Variants in CLYBL observed in about 807,000 individuals in gnomAD.
The protein encoded by CLYBL is citramalyl-CoA lyase, mitochondrial.
Under a neutral mutation model 38.9 loss-of-function variants are expected in CLYBL, and 31 were observed. The observed-to-expected ratio is 0.80, with a 90% confidence interval of 0.60 to 1.08. The LOEUF (loss-of-function observed/expected upper bound fraction) is 1.08, where lower values mean the gene tolerates loss of function less well. Among genes scored for constraint, CLYBL ranks in the 50% least tolerant of loss-of-function variants. CLYBL has a pLI of 0.00. For synonymous variants in CLYBL, 171 were observed against 158.6 expected (o/e 1.08, Z -0.59); for missense variants, 434 against 411.6 (o/e 1.05, Z -0.47).
At chr13:99,705,607 T>A (rs2048135284) in intron 1 of CLYBL, among the ~76,000 whole-genome samples, 1 of 152,058 alleles carries the variant, frequency 6.6e-6, no homozygotes, top group South Asian at 2.1e-4. Flanking sequence ...TGATACCTGC[T>A]ATAACACAGA....
At chr13:99,796,489 C>T (rs999287931) in intron 2 of CLYBL, among the ~76,000 whole-genome samples, 1 of 152,176 alleles carries the variant, frequency 6.6e-6, no homozygotes, top group Non-Finnish European at 1.5e-5. Flanking sequence ...AAGTGCTCTG[C>T]ATGGGTTAAC....
intron 1 of CLYBL, among the ~76,000 whole-genome samples, chr13:99,616,729 A>AC (rs2046716902): frequency 6.6e-6 from 1 of 152,126 alleles, no homozygotes; most frequent in South Asian, 2.1e-4. Context: ...GCTGAAGTGG[A>AC]CCGATCACTT....
intron 7 of CLYBL, among the ~76,000 whole-genome samples, chr13:99,877,103 C>A (rs1409690564): frequency 2.6e-5 from 4 of 152,166 alleles, no homozygotes; most frequent in African/African-American, 9.7e-5. Flanking sequence ...AGATTGGAAA[C>A]TCCCAGAGCA....
At chr13:99,716,169 ATTTTTTTTTTTTTTTTTT>A (rs4001024) in intron 1 of CLYBL, among the ~76,000 whole-genome samples, 19 of 33,464 alleles carry the variant, frequency 5.7e-4, no homozygotes, top group South Asian at 2.0e-3. Context: ...TATTGGTGTA[ATTTTTTTTTTTTTTTTTT>A]TTTTTTTTTT....
At chr13:99,607,580 C>T (rs1566586528) in intron 1 of CLYBL, among the ~76,000 whole-genome samples, 1 of 152,142 alleles carries the variant, frequency 6.6e-6, no homozygotes, top group Non-Finnish European at 1.5e-5. Flanking sequence ...TACATGGTCT[C>T]ATTTGGTTCC....
chr13:99,715,416 CT>C (rs55690124), intron 1 of CLYBL, among the ~76,000 whole-genome samples: 155 of 141,228 alleles, frequency 1.1e-3, no homozygotes, highest in Admixed American at 1.4e-3. Context: ...TTTTTCTTTT[CT>C]TTTTTTTTTT....
chr13:99,615,698 G>A lies in CLYBL; in HGVS notation c.62+8941G>A, dbSNP rs117365637. 3.0e-3 allele frequency among the ~76,000 whole-genome samples: 455 copies of A among 152,244 alleles called. 2 individuals carry two copies. The highest frequency in any genetic ancestry group is 0.027 in the Middle Eastern group (8 of 294). On this transcript the variant is annotated intron_variant, in intron 1 of 8. Transcript: ENST00000339105. ...TGTTGCTACTTGAATGTGTTATAGC[G>A]TATCAATTAAATAACTCACTTGAAT...
At chr13:99,820,023 G>A (rs536548993) in intron 2 of CLYBL, among the ~76,000 whole-genome samples, 1 of 152,336 alleles carries the variant, frequency 6.6e-6, no homozygotes, top group East Asian at 1.9e-4. Context: ...GCTGCTGGTT[G>A]CAGAGAATCC....
In CLYBL at chr13:99,867,558, T is replaced by G. The variant is rs114546967; in HGVS notation, c.802+1151T>G. 2.0e-3 allele frequency among the ~76,000 whole-genome samples: 303 copies of G among 152,274 alleles called. 3 individuals carry two copies. The highest frequency in any genetic ancestry group is 7.0e-3 in the African/African-American group (290 of 41,544). On this transcript the variant is annotated intron_variant, in intron 6 of 8. Transcript: ENST00000339105. ...TATAGGGAAATACTCTTCAATTATC[T>G]GAACTATTAATAAACGAATTCTCCC...
chr13:99,809,673 C>G (rs2050302207), intron 2 of CLYBL, among the ~76,000 whole-genome samples: 1 of 152,256 alleles, frequency 6.6e-6, no homozygotes, highest in Admixed American at 6.5e-5. Flanking sequence ...AGCAATTATG[C>G]CCTTCCATCG....
At chr13:99,720,239 C>T (rs945941234) in intron 1 of CLYBL, among the ~76,000 whole-genome samples, 1 of 151,976 alleles carries the variant, frequency 6.6e-6, no homozygotes, top group Non-Finnish European at 1.5e-5. Context: ...TTATTTGAGT[C>T]TAAAGTTAAT....
intron 7 of CLYBL, among the ~76,000 whole-genome samples, chr13:99,871,761 C>T (rs559152720): frequency 6.6e-6 from 1 of 152,112 alleles, no homozygotes; most frequent in African/African-American, 2.4e-5. Flanking sequence ...ATGCTAGTTG[C>T]AGCATTGTCA....
At chr13:99,658,470 C>T (rs2047361479) in intron 1 of CLYBL, among the ~76,000 whole-genome samples, 1 of 152,208 alleles carries the variant, frequency 6.6e-6, no homozygotes, top group Admixed American at 6.5e-5. Context: ...CCCGAGGCTG[C>T]CGGGGACTCT....
chr13:99,841,334 G>A (rs910051214), intron 2 of CLYBL, among the ~76,000 whole-genome samples: 3 of 152,060 alleles, frequency 2.0e-5, no homozygotes, highest in African/African-American at 7.2e-5. Flanking sequence ...CACATCTTAA[G>A]GTTCGTGACT....
intron 2 of CLYBL, among the ~76,000 whole-genome samples, chr13:99,838,104 A>G (rs1027996997): frequency 6.6e-6 from 1 of 152,180 alleles, no homozygotes; most frequent in African/African-American, 2.4e-5. Context: ...GTAATTATAT[A>G]TTAGATGTAT....
intron 2 of CLYBL, among the ~76,000 whole-genome samples, chr13:99,795,778 C>CT (rs759605396): frequency 2.0e-5 from 3 of 152,160 alleles, no homozygotes; most frequent in Non-Finnish European, 4.4e-5. Context: ...TTCCCAAAGA[C>CT]TATTCAAGAA....
rs1422819883 is a variant in CLYBL at position 99,750,734 on chromosome 13, T to TA, written c.63-22090_63-22089insA. ...TATTTTTAAATAATGCCCTCTTTTT[T>TA]TAAAAAAAAAATCTTATGTTTAAGA... is the stretch of plus-strand genomic sequence containing the variant. On this transcript the variant is annotated intron_variant, in intron 1 of 8. Transcript: ENST00000339105. Among the ~76,000 whole-genome samples, 551 of 125,072 alleles carry TA rather than the reference T, an allele frequency of 4.4e-3. 2 individuals carry two copies. Among genetic ancestry groups the TA allele is most frequent in the African/African-American group, 0.016 (460 of 29,076 alleles). 82.1% of individuals were successfully genotyped at this position (125,072 alleles called of 152,430 possible). A position where few individuals can be genotyped will look rare whatever the true frequency, so the allele number is the denominator to read the frequency against.
At chr13:99,696,233 CT>C (rs778242975) in intron 1 of CLYBL, among the ~76,000 whole-genome samples, 1,767 of 140,976 alleles carry the variant, frequency 0.013, 17 homozygotes, top group African/African-American at 0.03. Context: ...ATGTCAGAGA[CT>C]TTTTTTTTTT....
At chr13:99,834,387 T>C (rs528201696) in intron 2 of CLYBL, among the ~76,000 whole-genome samples, 4 of 152,306 alleles carry the variant, frequency 2.6e-5, no homozygotes, top group Admixed American at 2.0e-4. Flanking sequence ...CTGACTCATA[T>C]AGGGGGCTTA....
Sources: gnomAD v4.1 joint callset for allele counts (sites outside exome capture counted in the v4.1 genomes callset) on GRCh38, gnomAD v4.1.1 for gene constraint, MANE v1.5 for transcripts, NCBI Gene and HGNC (gene_info 2026-07-23, HGNC 2026-07-21) for gene names.